The following ESPN variants were observed in gnomAD, a reference collection of about 807,000 sequenced individuals.
The protein encoded by ESPN is espin.
In ESPN, 68 loss-of-function variants were observed where a neutral mutation model predicts 77.7. That is an observed-to-expected ratio of 0.87 (90% CI 0.72 to 1.07). The LOEUF is 1.07. Ranked by LOEUF, ESPN falls within the 50% of genes least tolerant of loss-of-function variation. The pLI, the probability that ESPN is intolerant of heterozygous loss-of-function variation, is 0.00. For synonymous variants in ESPN, 449 were observed against 567.1 expected, an observed-to-expected ratio of 0.79 and a Z score of 2.96; for missense variants, 1,060 against 1,239.0, an observed-to-expected ratio of 0.86 and a Z score of 2.17.
intron 7 of ESPN, chr1:6,448,366 C>A: frequency 4.9e-6 from 2 of 408,772 alleles, no homozygotes; most frequent in South Asian, 8.1e-5. Flanking sequence ...CGCCCCTGGG[C>A]CCGCCTCTTC....
At chr1:6,457,464 T>C in intron 12 of ESPN, 92 bp downstream of exon 12, 21 of 1,488,380 alleles carry the variant, frequency 1.4e-5, no homozygotes, top group Non-Finnish European at 1.9e-5. Flanking sequence ...GAGTACATCC[T>C]CCTGTCTCTT....
chr1:6,443,826 T>A (rs1423729834), intron 5 of ESPN, among the ~76,000 whole-genome samples: 2 of 152,154 alleles, frequency 1.3e-5, no homozygotes, highest in Non-Finnish European at 2.9e-5. Context: ...CAAGCGGGCT[T>A]GCCGGCAGCA....
rs773715920 is a variant in ESPN at position 6,444,482 on chromosome 1, G to A, written c.992G>A (p.Ser331Asn). The A allele has an allele frequency of 6.8e-6, 11 of 1,614,182 alleles. No homozygotes were observed. Among genetic ancestry groups the A allele is most frequent in the South Asian group, 3.3e-5 (3 of 91,092 alleles). The change falls in exon 6 of 13, where the codon AGC becomes AAC. Residue 331 changes from serine (S) to asparagine (N), a missense_variant and splice_region_variant. Transcript: ENST00000645284. ...TRYLRTVENLSVEHRVLSRDP... is the reference protein window; with the variant it reads ...TRYLRTVENLNVEHRVLSRDP... ...ATGGCCTCCCTGCCTCCCCTTCAGA[G>A]CGTGGAGCACCGCGTGCTTTCCCGG...
chr1:6,453,237 G>A (rs1372782231), intron 10 of ESPN, among the ~76,000 whole-genome samples: 2 of 152,226 alleles, frequency 1.3e-5, no homozygotes, highest in African/African-American at 2.4e-5. Context: ...GTAGCCTCTG[G>A]AGATTCATGG....
Position 6,447,160 on chromosome 1 carries a change from T to C in ESPN, c.1464+1225T>C, listed in dbSNP as rs11121883. On this transcript the variant is annotated intron_variant, in intron 7 of 12. Coordinates refer to ENST00000645284, the MANE Select transcript of ESPN (RefSeq NM_031475.3). The surrounding 1 kb of genome is among the most constrained non-coding windows in gnomAD (Gnocchi z 5.2). ...GTGAGCCCCCTCCCGGCTGTGTGCG[T>C]CCCTCCGGGCTGTGTGCGCCCCTCC... is the stretch of plus-strand genomic sequence containing the variant. 4.7e-5 allele frequency among the ~76,000 whole-genome samples: 7 copies of C among 150,394 alleles called. No individual in the cohort carries two copies. Among genetic ancestry groups the C allele is most frequent in the African/African-American group, 1.7e-4 (7 of 40,280 alleles).
chr1:6,440,605 C>CAGGG, intron 3 of ESPN, 21 bp from the exon 4 acceptor site: 1 of 1,185,400 alleles, frequency 8.4e-7, no homozygotes, highest in Non-Finnish European at 1.2e-6. Context: ...CCGCCCCCCT[C>CAGGG]TCCCCGCCCG....
intron 2 of ESPN, among the ~76,000 whole-genome samples, chr1:6,439,342 G>GT (rs1179075064): frequency 6.6e-6 from 1 of 152,190 alleles, no homozygotes; most frequent in African/African-American, 2.4e-5. Flanking sequence ...AGCATTATCC[G>GT]TTTATCAGAA....
In ESPN at chr1:6,450,560, T is replaced by G. The variant is rs955105562; in HGVS notation, c.1916-1043T>G. On this transcript the variant is annotated intron_variant, in intron 8 of 12. Coordinates refer to ENST00000645284, the MANE Select transcript of ESPN (RefSeq NM_031475.3). This position sits in a 1 kb window ranked among gnomAD's most constrained non-coding sequence, Gnocchi z 4.3. ...AAAGCAAGGCAGAAGGGGCCCAGACTTGAGGAAAGGGCAGGGGCAGGGGCT... is the reference window on the plus strand; with the variant it reads ...AAAGCAAGGCAGAAGGGGCCCAGACGTGAGGAAAGGGCAGGGGCAGGGGCT... The G allele has an allele frequency of 5.9e-6, 4 of 674,108 alleles. No individual in the cohort carries two copies. The South Asian group carries it at 2.0e-4, about 34-fold the overall frequency. The allele number at this position is 674,108 out of a possible 1,614,324, so 41.8% of individuals were successfully genotyped here.
Position 6,428,548 on chromosome 1 carries a change from G to C in ESPN, c.488+129G>C. ...CTCCAGTGGCCATCCTGGGGCCAGA[G>C]GGCCAGGCCAGAGAAATGGCTCCCA... is the stretch of plus-strand genomic sequence containing the variant. On this transcript the variant is annotated intron_variant, in intron 2 of 12. Coordinates refer to ENST00000645284, the MANE Select transcript of ESPN (RefSeq NM_031475.3). This position sits in a 1 kb window ranked among gnomAD's most constrained non-coding sequence, Gnocchi z 5.4. 3.7e-6 allele frequency: 3 copies of C among 815,996 alleles called. No homozygotes were observed. The highest frequency in any genetic ancestry group is 5.7e-6 in the Non-Finnish European group (3 of 524,440). The allele number at this position is 815,996 out of a possible 1,614,324, so 50.5% of individuals were successfully genotyped here.
chr1:6,455,698 G>C (rs1485184411), intron 10 of ESPN: 9 of 398,988 alleles, frequency 2.3e-5, no homozygotes, highest in Non-Finnish European at 3.5e-5. Context: ...CGCGAGGAGC[G>C]CAAGTTCCGC....
At chr1:6,457,416 C>G (rs749369721) in intron 12 of ESPN, 44 bp downstream of exon 12, 3 of 1,614,068 alleles carry the variant, frequency 1.9e-6, no homozygotes, top group South Asian at 1.1e-5. Context: ...TATCCCCACC[C>G]AAGTCGCAGA....
chr1:6,435,336 A>T (rs540527565), intron 2 of ESPN, among the ~76,000 whole-genome samples: 2 of 130,302 alleles, frequency 1.5e-5, no homozygotes, highest in African/African-American at 2.8e-5. Context: ...GTCTGGCCCC[A>T]TGGGCAGCTC....
At chr1:6,441,227 C>T (rs1416237964) in intron 5 of ESPN, among the ~76,000 whole-genome samples, 162 bp downstream of exon 5, 2 of 151,958 alleles carry the variant, frequency 1.3e-5, no homozygotes, top group Non-Finnish European at 2.9e-5. Context: ...CTACTGGGGA[C>T]TGAGGGAGTA....
At chr1:6,453,231 C>T (rs1298899193) in intron 10 of ESPN, among the ~76,000 whole-genome samples, 1 of 152,232 alleles carries the variant, frequency 6.6e-6, no homozygotes, top group Non-Finnish European at 1.5e-5. Context: ...ACTGTTGTAG[C>T]CTCTGGAGAT....
rs148320895 is a variant in ESPN, at chr1:6,430,902, C to T, written c.488+2483C>T. On this transcript the variant is annotated intron_variant, in intron 2 of 12. Coordinates refer to ENST00000645284, the MANE Select transcript of ESPN (RefSeq NM_031475.3). ...GAGTTGGGAGGATTGGCCCTCCCGG[C>T]AGGAGCTCCAGTGGCTGATGGAGGG... Among the ~76,000 whole-genome samples, 151 of 152,266 alleles carry T rather than the reference C, an allele frequency of 9.9e-4. 2 individuals are homozygous for T. The highest frequency in any genetic ancestry group is 6.8e-3 in the Middle Eastern group (2 of 294).
Position 6,427,011 on chromosome 1 carries a change from C to T in ESPN, c.295-1215C>T, listed in dbSNP as rs551739678. 4.5e-4 allele frequency among the ~76,000 whole-genome samples: 69 copies of T among 152,086 alleles called. No homozygotes were observed. The highest frequency in any genetic ancestry group is 9.3e-4 in the Non-Finnish European group (63 of 68,016). On this transcript the variant is annotated intron_variant, in intron 1 of 12. Transcript: ENST00000645284. The surrounding 1 kb of genome is among the most constrained non-coding windows in gnomAD (Gnocchi z 4.6). ...GACCCTACTAGTGGCCCCGGCGCCC[C>T]CAGCTCCCTCCGTGCCCTCTTTTCC...
chr1:6,433,077 G>A (rs1327865884), intron 2 of ESPN, among the ~76,000 whole-genome samples: 4 of 151,280 alleles, frequency 2.6e-5, no homozygotes, highest in Non-Finnish European at 5.9e-5. Context: ...AGCCAAGATC[G>A]CACCACTGCA....
At chr1:6,440,558 A>G (rs1401650259) in intron 3 of ESPN, 68 bp from the exon 4 acceptor site, 6 of 637,364 alleles carry the variant, frequency 9.4e-6, no homozygotes, top group African/African-American at 7.3e-5. Context: ...CCACGGAGGT[A>G]CAGGGGGCGG....
In ESPN at chr1:6,444,535, C is replaced by G. The variant is rs1233448694; in HGVS notation, c.1045C>G (p.Gln349Glu). The G allele has an allele frequency of 1.2e-6, 2 of 1,614,238 alleles. No individual in the cohort carries two copies. Among genetic ancestry groups the G allele is most frequent in the Middle Eastern group, 1.6e-4 (1 of 6,062 alleles). Residue 349 changes from glutamine to glutamate, a missense_variant, in exon 6 of 13, where the codon CAG becomes GAG. Transcript: ENST00000645284. Reference protein sequence around the residue: ...RDPSAELEAKQPDSGMSSPNT... With the variant: ...RDPSAELEAKEPDSGMSSPNT... ...TCCATCCGCAGAGCTGGAGGCTAAG[C>G]AGCCGGATTCAGGCATGTCCTCACC... is the stretch of plus-strand genomic sequence containing the variant.
Sources: gnomAD v4.1 joint callset for allele counts (sites outside exome capture counted in the v4.1 genomes callset) on GRCh38, gnomAD v4.1.1 for gene constraint, Gnocchi (gnomAD v3.1) non-coding constraint, MANE v1.5 for transcripts, NCBI Gene and HGNC (gene_info 2026-07-23, HGNC 2026-07-21) for gene names.